The following ARID1B variants were observed in gnomAD, a reference collection of about 807,000 sequenced individuals.
ARID1B encodes AT-rich interactive domain-containing protein 1B.
ARID1B carries 30 observed loss-of-function variants against 212.3 expected under a neutral mutation model. That is an observed-to-expected ratio of 0.14 (90% CI 0.11 to 0.19). The LOEUF is 0.19. Among genes scored for constraint, ARID1B ranks in the 10% least tolerant of loss-of-function variants. The pLI, the probability that ARID1B is intolerant of heterozygous loss-of-function variation, is 1.00. For synonymous variants in ARID1B, 1,402 were observed against 1,301.7 expected, an observed-to-expected ratio of 1.08 and a Z score of -1.66; for missense variants, 2,891 against 3,204.0, an observed-to-expected ratio of 0.90 and a Z score of 2.36.
Position 157,206,309 on chromosome 6 carries a change from C to T in ARID1B, c.5537C>T (p.Ser1846Phe). 2 of 1,614,148 alleles carry T rather than the reference C, an allele frequency of 1.2e-6. No individual in the cohort carries two copies. Among genetic ancestry groups the T allele is most frequent in the South Asian group, 2.2e-5 (2 of 91,066 alleles). ...HNAARKDDSQ[S>F]LADDSGKEEE... ...GCAGCAAGGAAGGATGACAGCCAGT[C>T]CTTGGCAGACGATTCTGGGAAAGAG... Residue 1846 changes from serine (S) to phenylalanine (F), a missense_variant, in exon 20 of 20, where the codon TCC becomes TTC. Coordinates refer to ENST00000636930, the MANE Select transcript of ARID1B (RefSeq NM_001374828.1). The surrounding 1 kb of genome is among the most constrained non-coding windows in gnomAD (Gnocchi z 6.8).
intron 1 of ARID1B, among the ~76,000 whole-genome samples, chr6:156,820,147 A>G (rs192519529): frequency 6.6e-6 from 1 of 152,306 alleles, no homozygotes; most frequent in Non-Finnish European, 1.5e-5. Flanking sequence ...GGAAGCAGCC[A>G]AGGGAAGCAG....
At chr6:156,888,758 C>T (rs1351741839) in intron 2 of ARID1B, among the ~76,000 whole-genome samples, 1 of 152,112 alleles carries the variant, frequency 6.6e-6, no homozygotes, top group Non-Finnish European at 1.5e-5. Flanking sequence ...TTGACCCGTT[C>T]GTTACTATAG....
intron 7 of ARID1B, among the ~76,000 whole-genome samples, chr6:157,146,960 A>G (rs1485658100): frequency 6.6e-6 from 1 of 152,100 alleles, no homozygotes; most frequent in African/African-American, 2.4e-5. Context: ...CTAATCTTCT[A>G]GCTCTTGATT....
intron 2 of ARID1B, among the ~76,000 whole-genome samples, chr6:156,831,426 A>C (rs1783130426): frequency 6.6e-6 from 1 of 152,236 alleles, no homozygotes; most frequent in Non-Finnish European, 1.5e-5. Context: ...CAGTTTCAAA[A>C]GATGCTGTTC....
At chr6:157,067,932 A>G (rs1395558751) in intron 4 of ARID1B, among the ~76,000 whole-genome samples, 1 of 152,166 alleles carries the variant, frequency 6.6e-6, no homozygotes, top group Non-Finnish European at 1.5e-5. Flanking sequence ...CTTGTGCCAT[A>G]CCCCATATGT....
chr6:157,022,271 A>C (rs545816816), intron 4 of ARID1B: 1 of 152,284 alleles, frequency 6.6e-6, no homozygotes, highest in African/African-American at 2.4e-5. Flanking sequence ...TTAGCCAGGC[A>C]CTTGGATTCT....
intron 4 of ARID1B, among the ~76,000 whole-genome samples, chr6:157,021,084 T>G (rs1780212291): frequency 7.2e-6 from 1 of 137,968 alleles, no homozygotes; most frequent in East Asian, 2.5e-4. Flanking sequence ...CCTCCTCGGC[T>G]GCGCTTTTAC....
chr6:156,778,024 C>T lies in ARID1B; in HGVS notation c.344C>T (p.Ala115Val), dbSNP rs935320680. The T allele has an allele frequency of 2.0e-6, 3 of 1,534,338 alleles. No individual in the cohort carries two copies. In the Admixed American group the frequency reaches 5.9e-5, roughly 30 times the overall value. Residue 115 changes from alanine to valine, a missense_variant, in exon 1 of 20, where the codon GCC becomes GTC. Around this residue, in one of 7 missense-constraint regions of ARID1B, gnomAD observed 1,643 missense variants for 1,544.0 expected, o/e 1.06. Transcript: ENST00000636930. ...GCTCTCAAGGAGGGTGGAAGCGCCG[C>T]CGCGCTGTCCTCCTCCTCCTCCTCC... is the stretch of plus-strand genomic sequence containing the variant. The part of the protein sequence containing the change: ...EAALKEGGSA[A>V]ALSSSSSSSA...
chr6:156,955,785 G>A lies in ARID1B; in HGVS notation c.2247+20209G>A, dbSNP rs530723298. Among the ~76,000 whole-genome samples the A allele has an allele frequency of 7.9e-5, 12 of 152,226 alleles. No individual in the cohort carries two copies. Among genetic ancestry groups the A allele is most frequent in the Middle Eastern group, 3.4e-3 (1 of 294 alleles). Reference sequence around the variant, plus strand: ...ATGGGGTCCAAGGCAGAAGATACTCGCCCTGGACTTGGGATCTTAGAAATG... The same window carrying A: ...ATGGGGTCCAAGGCAGAAGATACTCACCCTGGACTTGGGATCTTAGAAATG... On this transcript the variant is annotated intron_variant, in intron 4 of 19. Transcript: ENST00000636930. This position sits in a 1 kb window ranked among gnomAD's most constrained non-coding sequence, Gnocchi z 4.2.
intron 8 of ARID1B, among the ~76,000 whole-genome samples, chr6:157,155,127 G>C (rs1029971395): frequency 6.6e-6 from 1 of 152,190 alleles, no homozygotes; most frequent in South Asian, 2.1e-4. Context: ...TAGACTCCAC[G>C]TGCAGCTCAG....
At position 156,778,337 on chromosome 6, in the gene ARID1B, C is replaced by G. The variant is rs775436632; in HGVS notation, c.657C>G (p.Asn219Lys). 2 of 1,542,870 alleles carry G rather than the reference C, an allele frequency of 1.3e-6. No homozygotes were observed. Among genetic ancestry groups the G allele is most frequent in the South Asian group, 1.2e-5 (1 of 83,930 alleles). The change falls in exon 1 of 20, where the codon AAC becomes AAG. Residue 219 changes from asparagine (N) to lysine (K), a missense_variant. Asn to Lys is a moderately conservative substitution (Grantham distance 94). Transcript: ENST00000636930. ...QQQQQQHPIS[N>K]NNSLGGAGGG... is the part of the protein sequence containing the mutation. ...AGCAACAGCAACATCCCATTTCCAA[C>G]AACAACAGCTTGGGCGGCGCGGGCG...
intron 5 of ARID1B, among the ~76,000 whole-genome samples, chr6:157,096,614 C>G (rs1338256952): frequency 1.3e-5 from 2 of 152,248 alleles, no homozygotes; most frequent in South Asian, 2.1e-4. Flanking sequence ...GCACAGCCCT[C>G]CTTGTCCCCT....
At chr6:157,157,149 C>A (rs1046672379) in intron 8 of ARID1B, among the ~76,000 whole-genome samples, 31 of 152,180 alleles carry the variant, frequency 2.0e-4, no homozygotes, top group East Asian at 5.8e-4. Flanking sequence ...CCTCTCACAG[C>A]TGGTGGCTGT....
intron 4 of ARID1B, among the ~76,000 whole-genome samples, chr6:157,003,215 T>C (rs78069327): frequency 0.019 from 2,913 of 152,288 alleles, 107 homozygotes; most frequent in African/African-American, 0.066. Flanking sequence ...TTCAGAAAGA[T>C]CTTCCTGACT....
intron 7 of ARID1B, among the ~76,000 whole-genome samples, chr6:157,138,207 G>A (rs1789071911): frequency 6.6e-6 from 1 of 151,184 alleles, no homozygotes; most frequent in Non-Finnish European, 1.5e-5. Context: ...ATCTTTGGTT[G>A]GTTGGTTGGT....
At chr6:156,858,795 A>G (rs545213947) in intron 2 of ARID1B, among the ~76,000 whole-genome samples, 1 of 152,156 alleles carries the variant, frequency 6.6e-6, no homozygotes, top group Middle Eastern at 3.4e-3. Context: ...CAAAAAACAA[A>G]CCACACATAC....
At chr6:157,067,759 G>A (rs138895521) in intron 4 of ARID1B, among the ~76,000 whole-genome samples, 1 of 152,262 alleles carries the variant, frequency 6.6e-6, no homozygotes, top group Non-Finnish European at 1.5e-5. Context: ...TGCAGTGCCT[G>A]TGTTTTTCTG....
intron 8 of ARID1B, among the ~76,000 whole-genome samples, chr6:157,156,000 G>A (rs1021276716): frequency 7.9e-5 from 12 of 152,146 alleles, no homozygotes; most frequent in Non-Finnish European, 1.0e-4. Flanking sequence ...CACTTTTTCT[G>A]TGTTATTTTC....
intron 4 of ARID1B, among the ~76,000 whole-genome samples, chr6:157,075,442 A>G (rs1583262569): frequency 6.6e-6 from 1 of 152,254 alleles, no homozygotes; most frequent in Non-Finnish European, 1.5e-5. Context: ...GCATAATTTC[A>G]TATATATCAC....
Sources: allele counts gnomAD v4.1 joint callset (sites outside exome capture counted in the v4.1 genomes callset), GRCh38; gene constraint gnomAD v4.1.1; regional missense constraint gnomAD v4.1.1; non-coding constraint Gnocchi (gnomAD v3.1); transcripts MANE v1.5; gene names NCBI Gene and HGNC (gene_info 2026-07-23, HGNC 2026-07-21).